The following TNRC6A variants were observed in gnomAD, a reference collection of about 807,000 sequenced individuals.
TNRC6A encodes the protein trinucleotide repeat-containing gene 6A protein.
In TNRC6A, 44 loss-of-function variants were observed where a neutral mutation model predicts 221.2. The observed-to-expected ratio is 0.20, with a 90% CI of 0.16 to 0.26. TNRC6A has a LOEUF of 0.26. Among genes scored for constraint, TNRC6A ranks in the 10% least tolerant of loss-of-function variants. The probability of loss-of-function intolerance (pLI) is 1.00; values close to 1 mark genes in which losing one functional copy is unlikely to be tolerated. For missense variants in TNRC6A, 2,199 were observed against 2,404.4 expected, an observed-to-expected ratio of 0.91 and a Z score of 1.79; for synonymous variants, 847 against 838.5, an observed-to-expected ratio of 1.01 and a Z score of -0.18.
rs781417068 is a variant in TNRC6A at position 24,789,572 on chromosome 16, TGGGCCATG to T, written c.934_941del (p.Pro312PhefsTer18). On this transcript the variant is annotated frameshift_variant, in exon 6 of 25. Transcript: ENST00000395799. LOFTEE classifies it high-confidence loss of function. ...ATAATGTGGGCCATGGAAGTAGTAC[TGGGCCATG>T]GGGTTTTTCCCATGGAGCCATAATA... 16 of 1,613,990 alleles carry T rather than the reference TGGGCCATG, an allele frequency of 9.9e-6. No homozygotes were observed. The African/African-American group carries it at 2.0e-4, about 20-fold the overall frequency.
At chr16:24,725,904 G>A (rs990698042), upstream of TNRC6A, among the ~76,000 whole-genome samples, 2 of 151,874 alleles carry the variant, frequency 1.3e-5, no homozygotes, top group African/African-American at 2.4e-5. Context: ...AGAGGCTGAA[G>A]CAAGGGAATC....
At chr16:24,679,152 C>T (rs770066820) in intron 2 of TNRC6A, among the ~76,000 whole-genome samples, 1 of 152,170 alleles carries the variant, frequency 6.6e-6, no homozygotes, top group East Asian at 1.9e-4. Flanking sequence ...GCAAGCGCCA[C>T]CACGCCTAGC....
Position 24,729,762 on chromosome 16 carries a change from C to T in TNRC6A, c.-80C>T, listed in dbSNP as rs1168323360. On this transcript the variant is annotated 5_prime_UTR_variant, in exon 1 of 25. Transcript: ENST00000395799. ...ATGGCGCTGGTGCAGCGGCTCGGGC[C>T]TCTCCCCGCGGCGCTGCGGAGGGCT... 6.6e-6 allele frequency: 9 copies of T among 1,357,706 alleles called. No individual in the cohort carries two copies. In the East Asian group the frequency reaches 1.3e-4, roughly 19 times the overall value. 84.1% of individuals were successfully genotyped at this position (1,357,706 alleles called of 1,614,324 possible).
intron 1 of TNRC6A, among the ~76,000 whole-genome samples, chr16:24,637,542 G>A (rs1901697411): frequency 6.6e-6 from 1 of 152,162 alleles, no homozygotes. Flanking sequence ...TCAGACCTAT[G>A]GAGGGAAAGT....
intron 2 of TNRC6A, among the ~76,000 whole-genome samples, chr16:24,702,837 C>T (rs2056014329): frequency 6.6e-6 from 1 of 151,814 alleles, no homozygotes; most frequent in South Asian, 2.1e-4. Flanking sequence ...AGATCGAGAC[C>T]ATCCTGGTTA....
At chr16:24,805,957 C>T (rs1210704033) in intron 15 of TNRC6A, among the ~76,000 whole-genome samples, 1 of 152,118 alleles carries the variant, frequency 6.6e-6, no homozygotes, top group Non-Finnish European at 1.5e-5. Flanking sequence ...GTCCAGGGTG[C>T]TAGTGTTAGT....
intron 19 of TNRC6A, chr16:24,815,529 A>C: frequency 1.8e-6 from 1 of 557,514 alleles, no homozygotes; most frequent in Non-Finnish European, 3.2e-6. Context: ...CAGAGGTAGA[A>C]GTGAGCCCCA....
intron 11 of TNRC6A, among the ~76,000 whole-genome samples, chr16:24,801,150 G>A (rs2058323908): frequency 6.6e-6 from 1 of 152,168 alleles, no homozygotes; most frequent in Non-Finnish European, 1.5e-5. Context: ...GAATAGATGG[G>A]GCTGGTGATA....
Position 24,729,712 on chromosome 16 carries a change from C to A in TNRC6A, c.-130C>A. 1.8e-6 allele frequency: 2 copies of A among 1,116,214 alleles called. No homozygotes were observed. Among genetic ancestry groups the A allele is most frequent in the Non-Finnish European group, 1.2e-6 (1 of 868,378 alleles). The allele number at this position is 1,116,214 out of a possible 1,614,324, so 69.1% of individuals were successfully genotyped here. A position where few individuals can be genotyped will look rare whatever the true frequency, so the allele number is the denominator to read the frequency against. ...GCGGCGGCGGCGGCGGCGGCGGCGG[C>A]GGCGGCAGCGGGTCGGTGTAGAAAA... On this transcript the variant is annotated 5_prime_UTR_variant, in exon 1 of 25. Transcript: ENST00000395799.
intron 2 of TNRC6A, among the ~76,000 whole-genome samples, chr16:24,739,496 T>TTG (rs3042308): frequency 1.9e-4 from 29 of 150,124 alleles, no homozygotes; most frequent in Non-Finnish European, 4.1e-4. Context: ...TTTTTTTTTT[T>TTG]GAGACAGAGT....
At chr16:24,687,178 A>AT (rs1223206445) in intron 2 of TNRC6A, among the ~76,000 whole-genome samples, 1 of 152,116 alleles carries the variant, frequency 6.6e-6, no homozygotes, top group African/African-American at 2.4e-5. Context: ...GAATTAGGGG[A>AT]TGGGCCCTAC....
intron 4 of TNRC6A, among the ~76,000 whole-genome samples, chr16:24,771,482 C>G (rs1261960816): frequency 6.9e-6 from 1 of 145,278 alleles, no homozygotes; most frequent in South Asian, 2.1e-4. Flanking sequence ...CACCCATCCA[C>G]ACACGCCCCC....
intron 5 of TNRC6A, among the ~76,000 whole-genome samples, chr16:24,781,043 CTTTTTTTTTTTT>C (rs35502747): frequency 2.2e-4 from 12 of 53,426 alleles, no homozygotes; most frequent in Admixed American, 1.3e-3. Flanking sequence ...CCTCCATACT[CTTTTTTTTTTTT>C]TTTTTTTTTT....
chr16:24,814,145 GC>G (rs2058603363), intron 18 of TNRC6A, among the ~76,000 whole-genome samples: 1 of 152,148 alleles, frequency 6.6e-6, no homozygotes, highest in East Asian at 1.9e-4. Context: ...GAGGTGTGAG[GC>G]CCTGTCAGGG....
At chr16:24,820,708 G>A (rs540597362) in intron 22 of TNRC6A, among the ~76,000 whole-genome samples, 6 of 152,344 alleles carry the variant, frequency 3.9e-5, no homozygotes, top group African/African-American at 1.2e-4. Context: ...GAAGACTAGG[G>A]GGGTAGCTTG....
chr16:24,664,960 A>G, intron 2 of TNRC6A: 1 of 456,334 alleles, frequency 2.2e-6, no homozygotes, highest in East Asian at 7.0e-5. Context: ...GGCTCCACAG[A>G]ATCACGGGAT....
At chr16:24,706,128 T>A (rs907502702) in intron 2 of TNRC6A, among the ~76,000 whole-genome samples, 2 of 152,146 alleles carry the variant, frequency 1.3e-5, no homozygotes, top group Non-Finnish European at 2.9e-5. Flanking sequence ...AACAAAAATG[T>A]AGGAAAATGA....
chr16:24,776,451 T>C (rs1379374053), intron 4 of TNRC6A: 60 of 985,342 alleles, frequency 6.1e-5, no homozygotes, highest in Non-Finnish European at 6.9e-5. Context: ...GCAGGTTGTT[T>C]TCTAACCTTG....
chr16:24,818,249 A>G (rs1234960933), intron 20 of TNRC6A, among the ~76,000 whole-genome samples: 1 of 152,168 alleles, frequency 6.6e-6, no homozygotes, highest in Non-Finnish European at 1.5e-5. Flanking sequence ...GGGGCGAGTT[A>G]GCACCAAGAC....
Sources: gnomAD v4.1 joint callset for allele counts (sites outside exome capture counted in the v4.1 genomes callset) on GRCh38, gnomAD v4.1.1 for gene constraint, MANE v1.5 for transcripts, NCBI Gene and HGNC (gene_info 2026-07-23, HGNC 2026-07-21) for gene names.